Variants in PLPP3 observed in about 807,000 individuals in gnomAD.
PLPP3 encodes PAP2 beta.
A neutral mutation model predicts 29.6 loss-of-function variants in PLPP3; 6 were observed. The ratio of observed to expected loss-of-function variants is 0.20; its 90% CI spans 0.11 to 0.40. The LOEUF (loss-of-function observed/expected upper bound fraction) is 0.40. PLPP3 is among the 10% of genes least tolerant of loss of function. The probability of loss-of-function intolerance (pLI) is 1.00; values close to 1 mark genes in which losing one functional copy is unlikely to be tolerated. For synonymous variants in PLPP3, 152 were observed against 159.7 expected, an observed-to-expected ratio of 0.95 and a Z score of 0.36; for missense variants, 308 against 407.7, an observed-to-expected ratio of 0.76 and a Z score of 2.11.
chr1:56,544,538 T>C (rs1645992744), intron 1 of PLPP3, among the ~76,000 whole-genome samples: 1 of 152,210 alleles, frequency 6.6e-6, no homozygotes, highest in Non-Finnish European at 1.5e-5. Flanking sequence ...TTTGGATACA[T>C]CAATTGATTT....
chr1:56,569,804 C>T (rs1646185848), intron 1 of PLPP3, among the ~76,000 whole-genome samples: 1 of 152,122 alleles, frequency 6.6e-6, no homozygotes, highest in Non-Finnish European at 1.5e-5. Flanking sequence ...GACATTCCAG[C>T]CTCCAGCTAC....
intron 1 of PLPP3, among the ~76,000 whole-genome samples, chr1:56,558,330 C>G (rs1365865333): frequency 1.3e-5 from 2 of 152,216 alleles, no homozygotes; most frequent in African/African-American, 4.8e-5. Context: ...TTTCCAGCAT[C>G]TTCCTTTCCA....
intron 4 of PLPP3, among the ~76,000 whole-genome samples, chr1:56,516,168 T>TGATGAAAGGATAC (rs889961910): frequency 7.9e-5 from 12 of 152,236 alleles, no homozygotes; most frequent in Admixed American, 7.2e-4. Context: ...GCTTTGGGAT[T>TGATGAAAGGATAC]GATGAAAGGA....
At chr1:56,528,571 T>C (rs1025875505) in intron 2 of PLPP3, among the ~76,000 whole-genome samples, 2 of 152,104 alleles carry the variant, frequency 1.3e-5, no homozygotes, top group African/African-American at 4.8e-5. Flanking sequence ...AATATCTATG[T>C]GGCAGGATTG....
Position 56,524,191 on chromosome 1 carries a change from A to G in PLPP3, c.575+86T>C. ...GGAACTATGCCTTATTCACCCATCT[A>G]AACCAGGGCCCAGCTAGTAAGTGCT... On this transcript the variant is annotated intron_variant, in intron 3 of 5. Transcript: ENST00000371250. The surrounding 1 kb of genome is among the most constrained non-coding windows in gnomAD (Gnocchi z 4.3). 7.9e-6 allele frequency: 12 copies of G among 1,513,110 alleles called. No homozygotes were observed. The highest frequency in any genetic ancestry group is 1.1e-5 in the Non-Finnish European group (12 of 1,109,580). The allele number at this position is 1,513,110 out of a possible 1,614,324, so 93.7% of individuals were successfully genotyped here. A position where few individuals can be genotyped will look rare whatever the true frequency, so the allele number is the denominator to read the frequency against.
intron 2 of PLPP3, among the ~76,000 whole-genome samples, chr1:56,530,440 A>C (rs1204909495): frequency 1.3e-5 from 2 of 152,078 alleles, no homozygotes; most frequent in Non-Finnish European, 2.9e-5. Context: ...TACCATTTCA[A>C]ATTAACCAAG....
intron 2 of PLPP3, among the ~76,000 whole-genome samples, chr1:56,525,494 A>ATATT (rs1399786259): frequency 6.6e-6 from 1 of 152,174 alleles, no homozygotes; most frequent in Middle Eastern, 3.2e-3. Flanking sequence ...CATTGCTTTT[A>ATATT]TATTCTTTAT....
intron 1 of PLPP3, among the ~76,000 whole-genome samples, chr1:56,553,018 C>T (rs1233187409): frequency 6.6e-6 from 1 of 152,082 alleles, no homozygotes; most frequent in Admixed American, 6.5e-5. Flanking sequence ...CTGGTCATGT[C>T]CCAAAGCAAA....
intron 2 of PLPP3, among the ~76,000 whole-genome samples, chr1:56,527,075 G>C (rs758519189): frequency 6.6e-6 from 1 of 152,162 alleles, no homozygotes; most frequent in Non-Finnish European, 1.5e-5. Context: ...TCTCAGATGA[G>C]TCACCTTTCT....
chr1:56,531,148 T>C (rs1410216414), intron 2 of PLPP3, among the ~76,000 whole-genome samples: 1 of 152,188 alleles, frequency 6.6e-6, no homozygotes, highest in African/African-American at 2.4e-5. Flanking sequence ...GATGAAGCCT[T>C]GGCATAAGCC....
chr1:56,522,240 C>A (rs181637169), intron 4 of PLPP3, among the ~76,000 whole-genome samples: 7 of 152,270 alleles, frequency 4.6e-5, no homozygotes, highest in Admixed American at 3.3e-4. Flanking sequence ...GTGCCTGGCA[C>A]ACAGAAGGCA....
chr1:56,514,625 A>G (rs1211265551), intron 4 of PLPP3, among the ~76,000 whole-genome samples: 1 of 152,242 alleles, frequency 6.6e-6, no homozygotes, highest in Non-Finnish European at 1.5e-5. Flanking sequence ...TATCATGCTT[A>G]TAAGATTACT....
At chr1:56,578,851 G>T (rs1254922140) in intron 1 of PLPP3, 27 bp downstream of exon 1, 3 of 1,520,272 alleles carry the variant, frequency 2.0e-6, no homozygotes, top group Admixed American at 4.1e-5. Flanking sequence ...GGGCCGAGGG[G>T]CCGAGGGACA....
chr1:56,499,815 T>G (rs1645654328), intron 5 of PLPP3, among the ~76,000 whole-genome samples: 1 of 152,156 alleles, frequency 6.6e-6, no homozygotes, highest in Non-Finnish European at 1.5e-5. Flanking sequence ...AGTAAAAGCT[T>G]CTTGGCTTGA....
chr1:56,550,018 G>A (rs1360091436), intron 1 of PLPP3, among the ~76,000 whole-genome samples: 2 of 152,182 alleles, frequency 1.3e-5, no homozygotes, highest in African/African-American at 4.8e-5. Context: ...TAGTGATAAG[G>A]CCACAGAGAA....
chr1:56,504,819 C>T (rs1436363605), intron 5 of PLPP3, among the ~76,000 whole-genome samples: 2 of 152,180 alleles, frequency 1.3e-5, no homozygotes, highest in Non-Finnish European at 2.9e-5. Context: ...TGTAACCCCA[C>T]TGTCCTCAGT....
intron 2 of PLPP3, 32 bp downstream of exon 2, chr1:56,536,923 A>G: frequency 6.2e-7 from 1 of 1,609,002 alleles, no homozygotes; most frequent in Non-Finnish European, 8.5e-7. Context: ...GAAGTCAGAC[A>G]GGATCCACCA....
rs752176962 is a variant in PLPP3, at chr1:56,579,062, C to G, written c.-46G>C. ...CCTCCCGCCCCGCGAAGACGTCCCG[C>G]AACAGCAGCCACACACCCAGGCGCC... On this transcript the variant is annotated 5_prime_UTR_variant, in exon 1 of 6. Transcript: ENST00000371250. 5.1e-6 allele frequency: 8 copies of G among 1,569,456 alleles called. No individual in the cohort carries two copies. The Admixed American group carries it at 1.4e-4, about 28-fold the overall frequency.
At chr1:56,551,687 A>C (rs1322045964) in intron 1 of PLPP3, among the ~76,000 whole-genome samples, 1 of 152,200 alleles carries the variant, frequency 6.6e-6, no homozygotes. Context: ...AAGATGATAG[A>C]ATGGGTCTTG....
Sources: gnomAD v4.1 joint callset for allele counts (sites outside exome capture counted in the v4.1 genomes callset) on GRCh38, gnomAD v4.1.1 for gene constraint, Gnocchi (gnomAD v3.1) non-coding constraint, MANE v1.5 for transcripts, NCBI Gene and HGNC (gene_info 2026-07-23, HGNC 2026-07-21) for gene names.